The following GRM1 variants were observed in gnomAD, a reference collection of about 807,000 sequenced individuals.
GRM1 encodes the protein metabotropic glutamate receptor 1.
Under a neutral mutation model 90.9 loss-of-function variants are expected in GRM1, and 33 were observed. The ratio of observed to expected loss-of-function variants is 0.36; its 90% CI spans 0.28 to 0.49. The LOEUF is 0.49. Among genes scored for constraint, GRM1 ranks in the 20% least tolerant of loss-of-function variants. GRM1 has a pLI of 0.99. For synonymous variants in GRM1, 700 were observed against 613.2 expected (o/e 1.14, Z -2.09); for missense variants, 1,190 against 1,534.3 (o/e 0.78, Z 3.75).
intron 1 of GRM1, among the ~76,000 whole-genome samples, chr6:146,054,776 A>G (rs1775420040): frequency 6.6e-6 from 1 of 152,168 alleles, no homozygotes; most frequent in African/African-American, 2.4e-5. Flanking sequence ...AGAATAGGAC[A>G]AAGATTCAAC....
intron 2 of GRM1, among the ~76,000 whole-genome samples, chr6:146,220,779 G>T (rs560141658): frequency 6.6e-6 from 1 of 152,098 alleles, no homozygotes; most frequent in African/African-American, 2.4e-5. Context: ...AGCGCACATC[G>T]TTGGGCATCT....
At chr6:146,170,229 T>C (rs1036636543) in intron 2 of GRM1, among the ~76,000 whole-genome samples, 9 of 152,140 alleles carry the variant, frequency 5.9e-5, no homozygotes, top group African/African-American at 2.2e-4. Context: ...TAACCATTTT[T>C]ACTATGCTGA....
chr6:146,282,813 A>C (rs1583271263), intron 2 of GRM1, among the ~76,000 whole-genome samples: 1 of 152,362 alleles, frequency 6.6e-6, no homozygotes, highest in East Asian at 1.9e-4. Flanking sequence ...GTATGTGTAC[A>C]TATAGTAGTG....
intron 1 of GRM1, among the ~76,000 whole-genome samples, chr6:146,105,983 CA>C (rs2128872029): frequency 6.6e-6 from 1 of 152,222 alleles, no homozygotes; most frequent in African/African-American, 2.4e-5. Context: ...TCTCATAAAG[CA>C]AATCTTGTTA....
In GRM1 at chr6:146,394,192, A is replaced by T. The variant is rs536841163; in HGVS notation, c.1730-4577A>T. On this transcript the variant is annotated intron_variant, in intron 6 of 7. Transcript: ENST00000282753. ...GAAAACCTAGGCAATACCATTCAGG[A>T]CATAGGCATGGGCAAAGACCTTTAT... 1.1e-4 allele frequency among the ~76,000 whole-genome samples: 17 copies of T among 152,256 alleles called. No homozygotes were observed. In the East Asian group the frequency reaches 3.1e-3, roughly 28 times the overall value.
At chr6:146,079,604 T>G (rs183313529) in intron 1 of GRM1, among the ~76,000 whole-genome samples, 2 of 152,290 alleles carry the variant, frequency 1.3e-5, no homozygotes, top group Non-Finnish European at 2.9e-5. Context: ...TTGGTACAGA[T>G]GAGAGTGTGT....
chr6:146,419,817 G>A (rs1051642703), intron 7 of GRM1, among the ~76,000 whole-genome samples: 2 of 152,170 alleles, frequency 1.3e-5, no homozygotes, highest in Admixed American at 1.3e-4. Context: ...GAAGGGGGAA[G>A]CCTGCTTCCG....
At chr6:146,129,546 C>A (rs1207760181) in intron 1 of GRM1, among the ~76,000 whole-genome samples, 1 of 152,166 alleles carries the variant, frequency 6.6e-6, no homozygotes, top group East Asian at 1.9e-4. Context: ...AGAGGCTGCA[C>A]AGAGCAACTT....
intron 2 of GRM1, among the ~76,000 whole-genome samples, chr6:146,222,730 A>G (rs1780112098): frequency 1.3e-5 from 2 of 152,088 alleles, no homozygotes; most frequent in South Asian, 2.1e-4. Flanking sequence ...CCCTAAAATA[A>G]TGTTTAACCA....
chr6:146,401,152 A>G (rs1362253991), intron 7 of GRM1, among the ~76,000 whole-genome samples: 2 of 152,168 alleles, frequency 1.3e-5, no homozygotes, highest in Non-Finnish European at 1.5e-5. Context: ...CTAACAAGGG[A>G]GTCTTTGGGA....
At chr6:146,042,276 G>C (rs1791141647) in intron 1 of GRM1, among the ~76,000 whole-genome samples, 1 of 152,054 alleles carries the variant, frequency 6.6e-6, no homozygotes, top group Non-Finnish European at 1.5e-5. Context: ...AATTGGAAGG[G>C]CAGAAGCCAG....
At chr6:146,418,277 G>A (rs1777858545) in intron 7 of GRM1, among the ~76,000 whole-genome samples, 2 of 151,838 alleles carry the variant, frequency 1.3e-5, no homozygotes, top group Admixed American at 1.3e-4. Context: ...GCCCCATATA[G>A]TATCTTAGTT....
chr6:146,381,315 C>T (rs868843222), intron 5 of GRM1, among the ~76,000 whole-genome samples: 3 of 152,180 alleles, frequency 2.0e-5, no homozygotes, highest in African/African-American at 4.8e-5. Context: ...ATGGAATCAG[C>T]GAGTATCTTC....
At chr6:146,264,832 C>G (rs2114801970) in intron 2 of GRM1, among the ~76,000 whole-genome samples, 1 of 152,262 alleles carries the variant, frequency 6.6e-6, no homozygotes, top group East Asian at 1.9e-4. Context: ...ATAACAGCCT[C>G]CAGCTCCATC....
chr6:146,249,705 G>T (rs1245744935), intron 2 of GRM1, among the ~76,000 whole-genome samples: 1 of 152,136 alleles, frequency 6.6e-6, no homozygotes, highest in Non-Finnish European at 1.5e-5. Flanking sequence ...TCCCACTGGG[G>T]TACTGCCTAG....
chr6:146,397,355 C>T (rs544387620), intron 6 of GRM1, among the ~76,000 whole-genome samples: 165 of 151,042 alleles, frequency 1.1e-3, no homozygotes, highest in Middle Eastern at 3.4e-3. Flanking sequence ...GTGCCTGTAG[C>T]CCCAGCTACT....
At chr6:146,234,111 G>C (rs945908200) in intron 2 of GRM1, among the ~76,000 whole-genome samples, 4 of 151,990 alleles carry the variant, frequency 2.6e-5, no homozygotes, top group African/African-American at 9.6e-5. Context: ...AGTTGTACTT[G>C]ATTTCTTTTT....
At chr6:146,345,013 G>A (rs536892789) in intron 3 of GRM1, among the ~76,000 whole-genome samples, 1 of 152,160 alleles carries the variant, frequency 6.6e-6, no homozygotes, top group East Asian at 1.9e-4. Context: ...GTTTCTCCTT[G>A]TTGGTCAGGC....
intron 1 of GRM1, among the ~76,000 whole-genome samples, chr6:146,051,285 T>C (rs2128848307): frequency 6.6e-6 from 1 of 152,154 alleles, no homozygotes; most frequent in East Asian, 1.9e-4. Flanking sequence ...TACATAAACA[T>C]ACACACATAA....
Sources: gnomAD v4.1 joint callset for allele counts (sites outside exome capture counted in the v4.1 genomes callset) on GRCh38, gnomAD v4.1.1 for gene constraint, MANE v1.5 for transcripts, NCBI Gene and HGNC (gene_info 2026-07-23, HGNC 2026-07-21) for gene names.